Variants in ULK2 observed in about 807,000 individuals in gnomAD.
ULK2 encodes unc-51 like autophagy activating kinase 2, also known as serine/threonine-protein kinase ULK2.
Under a neutral mutation model 127.5 loss-of-function variants are expected in ULK2, and 76 were observed. The ratio of observed to expected loss-of-function variants is 0.60; its 90% CI spans 0.50 to 0.72. The LOEUF (loss-of-function observed/expected upper bound fraction) is 0.72. Ranked by LOEUF, ULK2 falls within the 30% of genes least tolerant of loss-of-function variation. The pLI is 0.00. For synonymous variants in ULK2, 452 were observed against 461.9 expected, an observed-to-expected ratio of 0.98 and a Z score of 0.28; for missense variants, 1,144 against 1,295.9, an observed-to-expected ratio of 0.88 and a Z score of 1.80.
In ULK2 at chr17:19,845,397, G is replaced by A. The variant is rs78525248; in HGVS notation, c.470-20C>T. On this transcript the variant is annotated intron_variant, in intron 6 of 26. Coordinates refer to ENST00000395544, the MANE Select transcript of ULK2 (RefSeq NM_014683.4). ...AATCCGCTATTTCACAAAACAGAAA[G>A]TAGAAAAGCAAATTACGTCTTCGCT... The A allele has an allele frequency of 7.4e-3, 11,908 of 1,599,208 alleles. 69 individuals carry two copies. Among genetic ancestry groups the A allele is most frequent in the Non-Finnish European group, 8.1e-3 (9,476 of 1,166,756 alleles).
intron 3 of ULK2, among the ~76,000 whole-genome samples, chr17:19,862,062 AT>A (rs2042254097): frequency 6.6e-6 from 1 of 152,046 alleles, no homozygotes. Flanking sequence ...TTCTTACAGC[AT>A]TTTTCTATTA....
intron 7 of ULK2, among the ~76,000 whole-genome samples, chr17:19,844,301 T>A (rs1462305264): frequency 6.6e-6 from 1 of 152,172 alleles, no homozygotes; most frequent in Non-Finnish European, 1.5e-5. Context: ...TCCTTTTAAC[T>A]TTAATTCTTT....
chr17:19,847,511 T>G (rs2041911967), intron 5 of ULK2, among the ~76,000 whole-genome samples: 1 of 152,090 alleles, frequency 6.6e-6, no homozygotes, highest in Non-Finnish European at 1.5e-5. Context: ...TATAAAGAGG[T>G]GATATGAACA....
At chr17:19,862,061 C>T (rs1156503558) in intron 3 of ULK2, among the ~76,000 whole-genome samples, 2 of 152,016 alleles carry the variant, frequency 1.3e-5, no homozygotes, top group Non-Finnish European at 2.9e-5. Context: ...ATTCTTACAG[C>T]ATTTTTCTAT....
chr17:19,814,423 T>TACAC (rs1567696380), intron 13 of ULK2, among the ~76,000 whole-genome samples: 5 of 14,716 alleles, frequency 3.4e-4, no homozygotes, highest in African/African-American at 1.4e-3. Flanking sequence ...TATATATATA[T>TACAC]ATATATATAT....
intron 3 of ULK2, among the ~76,000 whole-genome samples, chr17:19,851,327 A>T (rs1360346871): frequency 1.5e-5 from 1 of 67,410 alleles, no homozygotes; most frequent in African/African-American, 2.8e-4. Context: ...ACTTCCCCTC[A>T]AAAAAAAAAA....
At chr17:19,834,910 G>GAA (rs199677501) in intron 10 of ULK2, among the ~76,000 whole-genome samples, 4 of 120,948 alleles carry the variant, frequency 3.3e-5, no homozygotes, top group Admixed American at 8.6e-5. Flanking sequence ...CTCTGTCTCA[G>GAA]AAAAAAAAAA....
chr17:19,795,347 T>TATAA (rs1555552724), intron 20 of ULK2, among the ~76,000 whole-genome samples: 2 of 82,756 alleles, frequency 2.4e-5, no homozygotes, highest in Non-Finnish European at 4.1e-5. Context: ...ACCCTACTGA[T>TATAA]AAAAAAAAAA....
At chr17:19,866,960 C>T (rs971974542) in intron 1 of ULK2, among the ~76,000 whole-genome samples, 1 of 152,168 alleles carries the variant, frequency 6.6e-6, no homozygotes, top group Non-Finnish European at 1.5e-5. Context: ...GTGACCAGCC[C>T]TGGGCACGGG....
chr17:19,854,953 A>C (rs960476311), intron 3 of ULK2, among the ~76,000 whole-genome samples: 10 of 151,744 alleles, frequency 6.6e-5, no homozygotes, highest in African/African-American at 2.4e-4. Flanking sequence ...ACAAAAAATT[A>C]GCTGGGCTTG....
intron 18 of ULK2, among the ~76,000 whole-genome samples, chr17:19,796,554 G>A (rs909557505): frequency 5.3e-5 from 8 of 152,182 alleles, no homozygotes; most frequent in African/African-American, 1.9e-4. Context: ...ATCTAGATAA[G>A]TTAGTTTACT....
At chr17:19,837,495 T>G (rs1188525519) in intron 10 of ULK2, among the ~76,000 whole-genome samples, 1 of 152,226 alleles carries the variant, frequency 6.6e-6, no homozygotes, top group East Asian at 1.9e-4. Flanking sequence ...TAGACTTTTC[T>G]GAAATTCAAG....
At chr17:19,813,496 T>C (rs556502291) in intron 13 of ULK2, among the ~76,000 whole-genome samples, 1 of 152,330 alleles carries the variant, frequency 6.6e-6, no homozygotes, top group South Asian at 2.1e-4. Flanking sequence ...GTACTTGTTA[T>C]GTTATATATT....
intron 3 of ULK2, among the ~76,000 whole-genome samples, chr17:19,854,908 G>A (rs1166085680): frequency 6.6e-6 from 1 of 151,648 alleles, no homozygotes; most frequent in Non-Finnish European, 1.5e-5. Flanking sequence ...AGACCAGCCT[G>A]GCCAAGATGG....
chr17:19,807,207 C>A (rs1164506064), intron 14 of ULK2, among the ~76,000 whole-genome samples: 1 of 152,128 alleles, frequency 6.6e-6, no homozygotes, highest in Non-Finnish European at 1.5e-5. Flanking sequence ...TGATGGGGAG[C>A]CAAGTGGAGA....
At chr17:19,866,970 G>C (rs1044440526) in intron 1 of ULK2, among the ~76,000 whole-genome samples, 1 of 152,112 alleles carries the variant, frequency 6.6e-6, no homozygotes, top group Non-Finnish European at 1.5e-5. Context: ...CTGGGCACGG[G>C]GAAAAAAACC....
At chr17:19,819,048 C>T (rs951267181) in intron 12 of ULK2, among the ~76,000 whole-genome samples, 4 of 152,124 alleles carry the variant, frequency 2.6e-5, no homozygotes, top group Admixed American at 6.5e-5. Context: ...ATCCACCCGC[C>T]TCAGCCTCCC....
chr17:19,836,194 A>C (rs920830996), intron 10 of ULK2, among the ~76,000 whole-genome samples: 1 of 151,110 alleles, frequency 6.6e-6, no homozygotes, highest in African/African-American at 2.4e-5. Context: ...GTGGATTATG[A>C]GGTCAGGAGT....
chr17:19,865,417 A>C (rs915635575), intron 2 of ULK2, among the ~76,000 whole-genome samples: 1 of 152,148 alleles, frequency 6.6e-6, no homozygotes, highest in African/African-American at 2.4e-5. Context: ...AGTAACATGA[A>C]AGGGGACAAC....
Sources: allele counts gnomAD v4.1 joint callset (sites outside exome capture counted in the v4.1 genomes callset), GRCh38; gene constraint gnomAD v4.1.1; transcripts MANE v1.5; gene names NCBI Gene and HGNC (gene_info 2026-07-23, HGNC 2026-07-21).